Variants in ROBO1 observed in about 807,000 individuals in gnomAD.
ROBO1 encodes roundabout homolog 1.
Under a neutral mutation model 195.9 loss-of-function variants are expected in ROBO1, and 149 were observed. That is an observed-to-expected ratio of 0.76 (90% CI 0.67 to 0.87). ROBO1 has a LOEUF of 0.87. Among genes scored for constraint, ROBO1 ranks in the 40% least tolerant of loss-of-function variants. The pLI is 0.00. For missense variants in ROBO1, 1,933 were observed against 2,068.3 expected (o/e 0.93, Z 1.27); for synonymous variants, 816 against 733.2 (o/e 1.11, Z -1.82).
intron 1 of ROBO1, among the ~76,000 whole-genome samples, chr3:79,707,264 G>T (rs901796723): frequency 1.3e-5 from 2 of 152,028 alleles, no homozygotes; most frequent in Admixed American, 6.6e-5. Flanking sequence ...TCTCATCTGG[G>T]TTACCAAATT....
Position 78,598,933 on chromosome 3 carries a change from A to C in ROBO1, c.4942-6T>G, listed in dbSNP as rs1442867316. 2 of 1,558,150 alleles carry C rather than the reference A, an allele frequency of 1.3e-6. No individual in the cohort carries two copies. The highest frequency in any genetic ancestry group is 2.4e-5 in the South Asian group (2 of 83,890). On this transcript the variant is annotated splice_region_variant and splice_polypyrimidine_tract_variant and intron_variant, in intron 30 of 30. Coordinates refer to ENST00000464233, the MANE Select transcript of ROBO1 (RefSeq NM_002941.4). Reference sequence around the variant, plus strand: ...TGTCTTCAGCTTTCAGTTTCCTGTAAGAGATACGTTATTGTCACATTTGAA... The same window carrying C: ...TGTCTTCAGCTTTCAGTTTCCTGTACGAGATACGTTATTGTCACATTTGAA...
intron 1 of ROBO1, among the ~76,000 whole-genome samples, chr3:79,655,145 A>C (rs185437267): frequency 6.6e-6 from 1 of 152,200 alleles, no homozygotes; most frequent in Non-Finnish European, 1.5e-5. Flanking sequence ...AAATATGAAT[A>C]AGTACACTTT....
intron 1 of ROBO1, among the ~76,000 whole-genome samples, chr3:79,606,212 G>A (rs1342688923): frequency 6.6e-6 from 1 of 151,750 alleles, no homozygotes; most frequent in Non-Finnish European, 1.5e-5. Context: ...AAAGACTAGA[G>A]ATCTAATGTA....
intron 5 of ROBO1, among the ~76,000 whole-genome samples, chr3:78,738,701 G>A (rs1467554540): frequency 2.6e-5 from 4 of 152,068 alleles, no homozygotes; most frequent in African/African-American, 4.8e-5. Context: ...GGGCAAACCA[G>A]AATGGTTGGT....
At chr3:79,472,418 G>A (rs1235291432) in intron 2 of ROBO1, among the ~76,000 whole-genome samples, 1 of 152,048 alleles carries the variant, frequency 6.6e-6, no homozygotes, top group Non-Finnish European at 1.5e-5. Flanking sequence ...GACTTTTGGT[G>A]TCTGAGTAAA....
At chr3:79,186,297 C>G (rs952489771) in intron 2 of ROBO1, among the ~76,000 whole-genome samples, 1 of 151,608 alleles carries the variant, frequency 6.6e-6, no homozygotes, top group Non-Finnish European at 1.5e-5. Context: ...TTATGTATAT[C>G]TACACACACA....
At chr3:79,227,030 A>T (rs1429825341) in intron 2 of ROBO1, among the ~76,000 whole-genome samples, 1 of 152,186 alleles carries the variant, frequency 6.6e-6, no homozygotes, top group Admixed American at 6.5e-5. Context: ...ACGTGATTCA[A>T]CTGGATAAAA....
At chr3:79,758,713 T>C (rs183624130) in intron 1 of ROBO1, among the ~76,000 whole-genome samples, 4 of 151,958 alleles carry the variant, frequency 2.6e-5, no homozygotes, top group Non-Finnish European at 2.9e-5. Context: ...TGAGGGAGGG[T>C]AAAGTGTACC....
intron 3 of ROBO1, among the ~76,000 whole-genome samples, chr3:79,041,678 C>T (rs1156694483): frequency 1.3e-5 from 2 of 152,110 alleles, no homozygotes; most frequent in East Asian, 1.9e-4. Context: ...AAAGGAGATG[C>T]TCTGTGTGGG....
At chr3:79,342,856 G>A (rs185295329) in intron 2 of ROBO1, among the ~76,000 whole-genome samples, 14 of 152,200 alleles carry the variant, frequency 9.2e-5, no homozygotes, top group Admixed American at 5.9e-4. Flanking sequence ...ATTGCACATC[G>A]TTACCACCAG....
rs554412042 is a variant in ROBO1, at chr3:78,997,884, G to A, written c.173-58957C>T. 2.0e-5 allele frequency among the ~76,000 whole-genome samples: 3 copies of A among 152,246 alleles called. No individual in the cohort carries two copies. The East Asian group carries it at 5.8e-4, about 29-fold the overall frequency. On this transcript the variant is annotated intron_variant, in intron 3 of 30. Coordinates refer to ENST00000464233, the MANE Select transcript of ROBO1 (RefSeq NM_002941.4). ...ATAGTGCAAGCAGTTCAGCATTTGT[G>A]GGGAAAGAGAAGGTCTATCTTTGGA...
At chr3:78,949,907 A>G (rs1164461916) in intron 3 of ROBO1, among the ~76,000 whole-genome samples, 2 of 152,246 alleles carry the variant, frequency 1.3e-5, no homozygotes, top group African/African-American at 4.8e-5. Flanking sequence ...ATCACATGAA[A>G]AAATGCTCAT....
At chr3:79,167,885 T>C (rs1387005187) in intron 2 of ROBO1, among the ~76,000 whole-genome samples, 1 of 152,194 alleles carries the variant, frequency 6.6e-6, no homozygotes, top group African/African-American at 2.4e-5. Flanking sequence ...ACAAATAGCA[T>C]CCATTTCATG....
rs2081018922 is a variant in ROBO1 at position 78,684,952 on chromosome 3, T to C, written c.1342+794A>G. 5.3e-5 allele frequency among the ~76,000 whole-genome samples: 8 copies of C among 152,306 alleles called. No individual in the cohort carries two copies. In the South Asian group the frequency reaches 1.7e-3, roughly 32 times the overall value. ...TGCTCTTTCATCTACTTTTTGGAAT[T>C]GATAGTGAAAATATTATTCCAATCA... is the stretch of plus-strand genomic sequence containing the variant. On this transcript the variant is annotated intron_variant, in intron 10 of 30. Coordinates refer to ENST00000464233, the MANE Select transcript of ROBO1 (RefSeq NM_002941.4).
At chr3:78,627,058 T>C (rs1297261581) in intron 26 of ROBO1, among the ~76,000 whole-genome samples, 1 of 152,146 alleles carries the variant, frequency 6.6e-6, no homozygotes, top group Admixed American at 6.6e-5. Context: ...ATGATCTCCA[T>C]GTGGTTATGA....
At chr3:78,646,941 T>G (rs925696037) in intron 20 of ROBO1, among the ~76,000 whole-genome samples, 11 of 152,028 alleles carry the variant, frequency 7.2e-5, no homozygotes, top group Admixed American at 2.0e-4. Flanking sequence ...TACAGACACA[T>G]TTTCTAAGAA....
intron 1 of ROBO1, among the ~76,000 whole-genome samples, chr3:79,622,004 A>T (rs1480764161): frequency 4.6e-5 from 7 of 152,170 alleles, no homozygotes; most frequent in African/African-American, 1.7e-4. Flanking sequence ...CCAGCAACAA[A>T]GGTATTCATA....
chr3:79,176,056 T>C (rs1215954631), intron 2 of ROBO1, among the ~76,000 whole-genome samples: 1 of 152,212 alleles, frequency 6.6e-6, no homozygotes, highest in Non-Finnish European at 1.5e-5. Flanking sequence ...ATCTGGTTTA[T>C]ATCTAAAGAA....
intron 3 of ROBO1, among the ~76,000 whole-genome samples, chr3:78,948,687 A>G (rs1284520581): frequency 6.6e-6 from 1 of 152,094 alleles, no homozygotes; most frequent in East Asian, 1.9e-4. Context: ...GGAGAAGGAA[A>G]AAAGGGTATT....
Sources: gnomAD v4.1 joint callset for allele counts (sites outside exome capture counted in the v4.1 genomes callset) on GRCh38, gnomAD v4.1.1 for gene constraint, MANE v1.5 for transcripts, NCBI Gene and HGNC (gene_info 2026-07-23, HGNC 2026-07-21) for gene names.